Variants in GBE1 observed in about 807,000 individuals in gnomAD.
GBE1 encodes 1,4-alpha-glucan-branching enzyme.
GBE1 carries 70 observed loss-of-function variants against 88.8 expected under a neutral mutation model. That is an observed-to-expected ratio of 0.79 (90% CI 0.65 to 0.96). The LOEUF is 0.96. Among genes scored for constraint, GBE1 ranks in the 40% least tolerant of loss-of-function variants. GBE1 has a pLI of 0.00. For missense variants in GBE1, 872 were observed against 871.0 expected (o/e 1.00, Z -0.01); for synonymous variants, 284 against 300.1 (o/e 0.95, Z 0.56).
intron 1 of GBE1, among the ~76,000 whole-genome samples, chr3:81,718,622 T>C (rs917664988): frequency 6.6e-6 from 1 of 152,062 alleles, no homozygotes; most frequent in Admixed American, 6.5e-5. Flanking sequence ...CCAATAAGTT[T>C]GTTTTGTTTG....
chr3:81,646,892 A>G (rs1002216093), intron 5 of GBE1, among the ~76,000 whole-genome samples: 6 of 151,108 alleles, frequency 4.0e-5, no homozygotes, highest in Non-Finnish European at 8.8e-5. Context: ...ATTTCTATAT[A>G]TTTCAATCCT....
Position 81,581,215 on chromosome 3 carries a change from T to C in GBE1, c.1396A>G (p.Asn466Asp). Residue 466 changes from asparagine to aspartate, a missense_variant, in exon 11 of 16, where the codon AAC (asparagine) becomes GAC (aspartate). Asn to Asp is a conservative substitution (Grantham distance 23). Transcript: ENST00000429644. ...ATGCACTTTTCAAGGTAGCGCCTGT[T>C]TGTGAGCGTGTATACTATATCGCCC... ...NMGDIVYTLT[N>D]RRYLEKCIAY... 1 of 1,607,778 alleles carries C rather than the reference T, an allele frequency of 6.2e-7. No individual in the cohort carries two copies. Among genetic ancestry groups the C allele is most frequent in the Non-Finnish European group, 8.5e-7 (1 of 1,177,290 alleles).
At chr3:81,581,927 T>G (rs1429274557) in intron 10 of GBE1, among the ~76,000 whole-genome samples, 3 of 152,078 alleles carry the variant, frequency 2.0e-5, no homozygotes, top group African/African-American at 7.2e-5. Flanking sequence ...CTTAAGTAGA[T>G]ACTTGCTATA....
chr3:81,524,101 T>G (rs936879221), intron 14 of GBE1, among the ~76,000 whole-genome samples: 16 of 151,878 alleles, frequency 1.1e-4, no homozygotes, highest in Non-Finnish European at 8.8e-5. Context: ...GCTGTACTGA[T>G]TGACAACCCC....
intron 7 of GBE1, 75 bp from the exon 8 acceptor site, chr3:81,594,098 T>C: frequency 1.6e-6 from 1 of 629,382 alleles, no homozygotes; most frequent in Non-Finnish European, 2.8e-6. Flanking sequence ...ATGTTTGCTA[T>C]TAACTAAAAT....
chr3:81,661,087 T>C (rs531590852), intron 3 of GBE1, among the ~76,000 whole-genome samples: 1 of 152,128 alleles, frequency 6.6e-6, no homozygotes, highest in African/African-American at 2.4e-5. Context: ...GATGACTACA[T>C]AATTTAGAAG....
chr3:81,605,214 A>C (rs546488786), intron 7 of GBE1, among the ~76,000 whole-genome samples: 6 of 152,306 alleles, frequency 3.9e-5, no homozygotes, highest in Admixed American at 3.9e-4. Context: ...CCAGTTATAA[A>C]TTTTGCATTT....
chr3:81,525,822 A>C (rs184565231), intron 14 of GBE1, among the ~76,000 whole-genome samples: 3 of 152,034 alleles, frequency 2.0e-5, no homozygotes, highest in African/African-American at 7.2e-5. Flanking sequence ...ATTTGCGCAG[A>C]GGTGTTTCTA....
Position 81,535,179 on chromosome 3 carries a change from G to A in GBE1, c.1934+16C>T. Reference sequence around the variant, plus strand: ...TGAATGTGGACAGTCATATTCACTGGTAACAAAAAGGATATTTCCCTGGCA... The same window carrying A: ...TGAATGTGGACAGTCATATTCACTGATAACAAAAAGGATATTTCCCTGGCA... On this transcript the variant is annotated intron_variant, in intron 14 of 15. Coordinates refer to ENST00000429644, the MANE Select transcript of GBE1 (RefSeq NM_000158.4). The A allele has an allele frequency of 6.2e-7, 1 of 1,602,854 alleles. No homozygotes were observed. Among genetic ancestry groups the A allele is most frequent in the East Asian group, 2.2e-5 (1 of 44,516 alleles).
At chr3:81,503,391 T>G (rs1367570757) in intron 14 of GBE1, among the ~76,000 whole-genome samples, 1 of 152,080 alleles carries the variant, frequency 6.6e-6, no homozygotes, top group Non-Finnish European at 1.5e-5. Flanking sequence ...TAGTTAAGTG[T>G]GATAGTGTTT....
chr3:81,619,445 A>T (rs1704296128), intron 7 of GBE1, among the ~76,000 whole-genome samples: 1 of 152,196 alleles, frequency 6.6e-6, no homozygotes. Flanking sequence ...ACTATAGATT[A>T]TCATGCTAAT....
chr3:81,644,614 T>A (rs1269989466), intron 6 of GBE1, among the ~76,000 whole-genome samples: 1 of 152,142 alleles, frequency 6.6e-6, no homozygotes, highest in Non-Finnish European at 1.5e-5. Context: ...CAGGGATTCA[T>A]TACGGTTCTG....
intron 1 of GBE1, among the ~76,000 whole-genome samples, chr3:81,722,894 G>GTATATATATATATATA (rs757742488): frequency 1.3e-3 from 180 of 134,980 alleles, no homozygotes; most frequent in South Asian, 2.0e-3. Context: ...GTGTGTGTGT[G>GTATATATATATATATA]TGTATATATA....
intron 1 of GBE1, among the ~76,000 whole-genome samples, chr3:81,748,714 A>G (rs1177372606): frequency 2.0e-5 from 3 of 152,078 alleles, no homozygotes; most frequent in African/African-American, 7.2e-5. Flanking sequence ...CAGATACTGT[A>G]GAAAATATCT....
rs7642144 is a variant in GBE1, at chr3:81,500,457, G to A, written c.1935-1230C>T. ...CTATTAACATAGAAGTTTAGCTTTT[G>A]TTCTTCAAAATACTTTGACAAATCT... is the stretch of plus-strand genomic sequence containing the variant. On this transcript the variant is annotated intron_variant, in intron 14 of 15. Coordinates refer to ENST00000429644, the MANE Select transcript of GBE1 (RefSeq NM_000158.4). 9.2e-3 allele frequency among the ~76,000 whole-genome samples: 1,397 copies of A among 152,274 alleles called. 28 individuals carry two copies. Among genetic ancestry groups the A allele is most frequent in the African/African-American group, 0.032 (1,338 of 41,570 alleles).
intron 2 of GBE1, among the ~76,000 whole-genome samples, chr3:81,679,033 T>C (rs1016969265): frequency 2.0e-5 from 3 of 152,140 alleles, no homozygotes; most frequent in African/African-American, 4.8e-5. Context: ...GCAAAACAAC[T>C]AATGTACATC....
intron 7 of GBE1, among the ~76,000 whole-genome samples, chr3:81,629,018 G>GTTTTT (rs34707682): frequency 0.012 from 1,205 of 97,638 alleles, 4 homozygotes; most frequent in African/African-American, 0.028. Context: ...TTATGTTTAA[G>GTTTTT]TTTTTTTTTT....
chr3:81,639,514 G>A (rs569602816), intron 7 of GBE1, among the ~76,000 whole-genome samples: 4 of 151,958 alleles, frequency 2.6e-5, no homozygotes, highest in South Asian at 4.1e-4. Context: ...ACGCCCCTTC[G>A]AAGGGAGGGG....
intron 7 of GBE1, among the ~76,000 whole-genome samples, chr3:81,610,843 T>A (rs1704170241): frequency 6.6e-6 from 1 of 152,136 alleles, no homozygotes; most frequent in Non-Finnish European, 1.5e-5. Context: ...AAGTTCCCAA[T>A]TTAGCCCGTT....
Sources: allele counts gnomAD v4.1 joint callset (sites outside exome capture counted in the v4.1 genomes callset), GRCh38; gene constraint gnomAD v4.1.1; transcripts MANE v1.5; gene names NCBI Gene and HGNC (gene_info 2026-07-23, HGNC 2026-07-21).